CLIP2: variants seen among roughly 807,000 people sequenced by gnomAD.
The protein encoded by CLIP2 is CAP-Gly domain-containing linker protein 2.
CLIP2 carries 41 observed loss-of-function variants against 111.7 expected under a neutral mutation model. That is an observed-to-expected ratio of 0.37 (90% confidence interval 0.29 to 0.48). The LOEUF (loss-of-function observed/expected upper bound fraction) is 0.48, where lower values mean the gene tolerates loss of function less well. Among genes scored for constraint, CLIP2 ranks in the 20% least tolerant of loss-of-function variants. The probability of loss-of-function intolerance (pLI) is 0.99; values close to 1 mark genes in which losing one functional copy is unlikely to be tolerated. For synonymous variants in CLIP2, 660 were observed against 644.2 expected, an observed-to-expected ratio of 1.02 and a Z score of -0.37; for missense variants, 1,160 against 1,422.1, an observed-to-expected ratio of 0.82 and a Z score of 2.96.
At chr7:74,323,773 T>A (rs1554730319) in intron 2 of CLIP2, among the ~76,000 whole-genome samples, 1 of 152,190 alleles carries the variant, frequency 6.6e-6, no homozygotes, top group Non-Finnish European at 1.5e-5. Flanking sequence ...TCCCCTCGTG[T>A]TACAGTTGCC....
At chr7:74,295,422 T>C (rs531526413) in intron 1 of CLIP2, among the ~76,000 whole-genome samples, 2 of 152,042 alleles carry the variant, frequency 1.3e-5, no homozygotes, top group Non-Finnish European at 2.9e-5. Context: ...GAGTGTGAAG[T>C]TGGGGGAGTT....
At chr7:74,348,474 ACTG>A (rs1789866154) in intron 3 of CLIP2, among the ~76,000 whole-genome samples, 11 of 150,930 alleles carry the variant, frequency 7.3e-5, no homozygotes, top group Admixed American at 7.3e-4. Flanking sequence ...TGGGCAACAT[ACTG>A]AGACCCTGTC....
chr7:74,390,691 AT>A (rs1335805374), intron 13 of CLIP2, among the ~76,000 whole-genome samples: 1 of 142,194 alleles, frequency 7.0e-6, no homozygotes, highest in Non-Finnish European at 1.5e-5. Context: ...TAATAAGCCA[AT>A]TGCATGTAAC....
intron 1 of CLIP2, among the ~76,000 whole-genome samples, chr7:74,312,427 AG>A (rs1177573631): frequency 6.6e-6 from 1 of 152,082 alleles, no homozygotes; most frequent in Non-Finnish European, 1.5e-5. Flanking sequence ...TGGAATTCCT[AG>A]GTGAGAGGGT....
At chr7:74,350,015 G>C (rs192407410) in intron 3 of CLIP2, among the ~76,000 whole-genome samples, 33 of 152,108 alleles carry the variant, frequency 2.2e-4, no homozygotes, top group Admixed American at 2.2e-3. Context: ...AGATGGAACA[G>C]GCAGTGATTT....
chr7:74,338,280 T>A lies in CLIP2; in HGVS notation c.122-168T>A, dbSNP rs1488079310. ...AATTTGGGAAGCCAAGGCGGGCGGA[T>A]TTCTTGAGGTCAGGAGTTCGAGACC... On this transcript the variant is annotated intron_variant, in intron 2 of 16. Coordinates refer to ENST00000223398, the MANE Select transcript of CLIP2 (RefSeq NM_003388.5). The surrounding 1 kb of genome is among the most constrained non-coding windows in gnomAD (Gnocchi z 4.3). Among the ~76,000 whole-genome samples, 1 of 151,892 alleles carries A rather than the reference T, an allele frequency of 6.6e-6. No individual in the cohort carries two copies. The highest frequency in any genetic ancestry group is 2.4e-5 in the African/African-American group (1 of 41,326).
chr7:74,403,631 A>G (rs1428665380), intron 16 of CLIP2, among the ~76,000 whole-genome samples: 2 of 152,142 alleles, frequency 1.3e-5, no homozygotes, highest in Admixed American at 1.3e-4. Flanking sequence ...GCTTCCCATC[A>G]GCACCTCCCA....
At chr7:74,389,398 C>G (rs1268375661) in intron 13 of CLIP2, 139 bp downstream of exon 13, 2 of 783,356 alleles carry the variant, frequency 2.6e-6, no homozygotes, top group Non-Finnish European at 3.9e-6. Flanking sequence ...AGCGATCACC[C>G]TGCTCTCCTC....
At position 74,376,846 on chromosome 7, in the gene CLIP2, G is replaced by A. The variant is rs1554313103; in HGVS notation, c.2421+24G>A. ...ACGTAGGCGCCTGCCCCTCCTGCTGGGGCGGGAGGGTCGGGCTGGGGAGGG... is the reference window on the plus strand; with the variant it reads ...ACGTAGGCGCCTGCCCCTCCTGCTGAGGCGGGAGGGTCGGGCTGGGGAGGG... On this transcript the variant is annotated intron_variant, in intron 10 of 16. Coordinates refer to ENST00000223398, the MANE Select transcript of CLIP2 (RefSeq NM_003388.5). The surrounding 1 kb of genome is among the most constrained non-coding windows in gnomAD (Gnocchi z 7.1). 2 of 1,533,348 alleles carry A rather than the reference G, an allele frequency of 1.3e-6. No individual in the cohort carries two copies. Among genetic ancestry groups the A allele is most frequent in the Non-Finnish European group, 1.8e-6 (2 of 1,141,010 alleles). 95.0% of individuals were successfully genotyped at this position (1,533,348 alleles called of 1,614,324 possible).
chr7:74,327,394 C>T (rs1310003751), intron 2 of CLIP2, among the ~76,000 whole-genome samples: 1 of 152,134 alleles, frequency 6.6e-6, no homozygotes, highest in Non-Finnish European at 1.5e-5. Flanking sequence ...TGAGCCACTT[C>T]ACTCGGTCAG....
At chr7:74,362,375 C>T (rs1291284099) in intron 7 of CLIP2, among the ~76,000 whole-genome samples, 11 of 152,234 alleles carry the variant, frequency 7.2e-5, no homozygotes, top group East Asian at 1.9e-4. Context: ...TTTCAGCTGG[C>T]ACCTGCGCTC....
intron 2 of CLIP2, among the ~76,000 whole-genome samples, chr7:74,318,990 G>T (rs1160800653): frequency 2.0e-5 from 3 of 152,184 alleles, no homozygotes; most frequent in Non-Finnish European, 4.4e-5. Context: ...CAGCGTGAAA[G>T]GGCGAGGAAG....
At chr7:74,393,251 C>T (rs189946011) in intron 13 of CLIP2, among the ~76,000 whole-genome samples, 40 of 151,962 alleles carry the variant, frequency 2.6e-4, no homozygotes, top group African/African-American at 9.4e-4. Flanking sequence ...TGGTCTCCAA[C>T]TCCTAACCTC....
At chr7:74,349,466 GTGTGTATA>G (rs1246651318) in intron 3 of CLIP2, among the ~76,000 whole-genome samples, 5 of 77,516 alleles carry the variant, frequency 6.5e-5, no homozygotes, top group East Asian at 4.2e-4. Context: ...GTGTGTGTGT[GTGTGTATA>G]TATATATATA....
At chr7:74,374,710 G>A (rs1390859807) in intron 9 of CLIP2, among the ~76,000 whole-genome samples, 1 of 152,098 alleles carries the variant, frequency 6.6e-6, no homozygotes, top group Non-Finnish European at 1.5e-5. Flanking sequence ...AAGAGAGTGA[G>A]ACTCCATCTC....
chr7:74,313,316 T>C (rs1788689398), intron 1 of CLIP2, among the ~76,000 whole-genome samples: 1 of 151,172 alleles, frequency 6.6e-6, no homozygotes, highest in African/African-American at 2.4e-5. Flanking sequence ...TTCCAGCACT[T>C]TGGGAGGCCG....
In CLIP2 at chr7:74,338,555, G is replaced by T; in HGVS notation, c.229G>T (p.Gly77Trp). Residue 77 changes from glycine (G) to tryptophan (W), a missense_variant, in exon 3 of 17, where the codon GGG (glycine) becomes TGG (tryptophan). Coordinates refer to ENST00000223398, the MANE Select transcript of CLIP2 (RefSeq NM_003388.5). This position sits in a 1 kb window ranked among gnomAD's most constrained non-coding sequence, Gnocchi z 4.3. ...KAAEVGDDFL[G>W]DFVVGERVWV... is the part of the protein sequence containing the mutation. ...GGCGGAAGTGGGGGATGACTTCCTG[G>T]GGGACTTTGTGGTGGGCGAGCGGGT... The T allele has an allele frequency of 6.3e-7, 1 of 1,592,932 alleles. No homozygotes were observed.
rs782686291 is a variant in CLIP2, at chr7:74,397,101, G to A, written c.2748G>A (p.Leu916=). Residue 916 remains leucine, a synonymous_variant, in exon 14 of 17, where the codon CTG becomes CTA. Transcript: ENST00000223398. ...ERSLNELRVL[L]LEANRHSPGP... is the part of the protein sequence containing the mutation. ...GCCTGAACGAACTGCGGGTGTTGCT[G>A]CTGGAGGCCAATCGTCACTCCCCAG... The A allele has an allele frequency of 7.4e-6, 12 of 1,613,710 alleles. No homozygotes were observed. The East Asian group carries it at 2.5e-4, about 33-fold the overall frequency.
chr7:74,323,829 G>A (rs782225284), intron 2 of CLIP2, among the ~76,000 whole-genome samples: 7 of 152,190 alleles, frequency 4.6e-5, no homozygotes, highest in Non-Finnish European at 5.9e-5. Flanking sequence ...TGTAGCCTAG[G>A]AGCAGTGGAC....
Sources: gnomAD v4.1 joint callset for allele counts (sites outside exome capture counted in the v4.1 genomes callset) on GRCh38, gnomAD v4.1.1 for gene constraint, Gnocchi (gnomAD v3.1) non-coding constraint, MANE v1.5 for transcripts, NCBI Gene and HGNC (gene_info 2026-07-23, HGNC 2026-07-21) for gene names.